Variants in SYT13 observed in about 807,000 individuals in gnomAD.
SYT13 encodes the protein synaptotagmin-13.
SYT13 carries 21 observed loss-of-function variants against 38.6 expected under a neutral mutation model. The ratio of observed to expected loss-of-function variants is 0.54; its 90% CI spans 0.39 to 0.78. SYT13 has a LOEUF of 0.78. Ranked by LOEUF, SYT13 falls within the 30% of genes least tolerant of loss-of-function variation. SYT13 has a pLI of 0.00. For synonymous variants in SYT13, 241 were observed against 237.6 expected (o/e 1.01, Z -0.13); for missense variants, 495 against 548.7 (o/e 0.90, Z 0.98).
rs1335786443 is a variant in SYT13, at chr11:45,243,513, G to C, written c.*539C>G. On this transcript the variant is annotated 3_prime_UTR_variant, in exon 6 of 6. Coordinates refer to ENST00000020926, the MANE Select transcript of SYT13 (RefSeq NM_020826.3). ...GGCTTCGACCAGGAATACCGACTAG[G>C]AATGTCTCCAGGCGAGCCCAGGAAT... 6.6e-6 allele frequency: 1 copy of C among 152,548 alleles called. No individual in the cohort carries two copies. Among genetic ancestry groups the C allele is most frequent in the African/African-American group, 2.4e-5 (1 of 41,430 alleles). The allele number at this position is 152,548 out of a possible 1,614,324, so 9.4% of individuals were successfully genotyped here.
rs1854568071 is a variant in SYT13 at position 45,242,823 on chromosome 11, A to C, written c.*1229T>G. 6.6e-6 allele frequency: 1 copy of C among 152,194 alleles called. No homozygotes were observed. The highest frequency in any genetic ancestry group is 1.5e-5 in the Non-Finnish European group (1 of 68,042). 9.4% of individuals were successfully genotyped at this position (152,194 alleles called of 1,614,324 possible). On this transcript the variant is annotated 3_prime_UTR_variant, in exon 6 of 6. Transcript: ENST00000020926. ...ACCGTATCCACTCAGCAAGGCTCAT[A>C]ATTTAGATTTAATTAACAATGTGGA...
chr11:45,274,930 C>T (rs898796033), intron 1 of SYT13, among the ~76,000 whole-genome samples: 5 of 152,114 alleles, frequency 3.3e-5, no homozygotes, highest in Admixed American at 6.5e-5. Flanking sequence ...CTCTCTCTAA[C>T]GTTAGCCAGA....
At chr11:45,276,177 C>T (rs1855007865) in intron 1 of SYT13, among the ~76,000 whole-genome samples, 1 of 152,144 alleles carries the variant, frequency 6.6e-6, no homozygotes, top group African/African-American at 2.4e-5. Context: ...AGACTTGGAA[C>T]CAACCCAATG....
chr11:45,262,819 G>A (rs1037005220), intron 1 of SYT13, among the ~76,000 whole-genome samples: 4 of 149,886 alleles, frequency 2.7e-5, no homozygotes, highest in African/African-American at 7.4e-5. Flanking sequence ...TTTATGTTAT[G>A]TTCTTTTACC....
At chr11:45,246,233 G>T in intron 5 of SYT13, 150 bp downstream of exon 5, 1 of 1,160,136 alleles carries the variant, frequency 8.6e-7, no homozygotes, top group Non-Finnish European at 1.2e-6. Flanking sequence ...TGAACTTAGG[G>T]TGAAGAACAC....
At chr11:45,272,280 A>T (rs1854958917) in intron 1 of SYT13, among the ~76,000 whole-genome samples, 1 of 152,200 alleles carries the variant, frequency 6.6e-6, no homozygotes, top group South Asian at 2.1e-4. Flanking sequence ...CCACTGTGGC[A>T]TGTGTATACC....
intron 3 of SYT13, among the ~76,000 whole-genome samples, chr11:45,253,407 A>G (rs931340108): frequency 1.3e-5 from 2 of 152,356 alleles, no homozygotes; most frequent in Middle Eastern, 3.4e-3. Context: ...ATGACTTGCC[A>G]GACCTCAGTT....
chr11:45,273,875 A>G (rs182621963), intron 1 of SYT13, among the ~76,000 whole-genome samples: 1 of 152,360 alleles, frequency 6.6e-6, no homozygotes, highest in African/African-American at 2.4e-5. Flanking sequence ...TTGGTAAAGG[A>G]TAAATAAGAA....
intron 1 of SYT13, among the ~76,000 whole-genome samples, chr11:45,260,399 C>T (rs1308766367): frequency 6.6e-6 from 1 of 152,182 alleles, no homozygotes; most frequent in African/African-American, 2.4e-5. Context: ...ATAGCTGAAA[C>T]TTCAGTGCCA....
rs926508391 is a variant in SYT13, at chr11:45,243,703, T to C, written c.*349A>G. The C allele has an allele frequency of 4.9e-6, 1 of 204,814 alleles. No individual in the cohort carries two copies. The highest frequency in any genetic ancestry group is 9.7e-6 in the Non-Finnish European group (1 of 103,270). The allele number at this position is 204,814 out of a possible 1,614,324, so 12.7% of individuals were successfully genotyped here. A position where few individuals can be genotyped will look rare whatever the true frequency, so the allele number is the denominator to read the frequency against. ...CTTCCTTCATCATTTTTGAAATGCT[T>C]GTTTTTCAAAAAGCCAAATTCTTCT... On this transcript the variant is annotated 3_prime_UTR_variant, in exon 6 of 6. Transcript: ENST00000020926.
rs1274060982 is a variant in SYT13 at position 45,242,681 on chromosome 11, A to T, written c.*1371T>A. On this transcript the variant is annotated 3_prime_UTR_variant, in exon 6 of 6. Coordinates refer to ENST00000020926, the MANE Select transcript of SYT13 (RefSeq NM_020826.3). Reference sequence around the variant, plus strand: ...GGTTTTGAACACTATTTCATCTAGTATATCATTCATTGGGGTAGGCTTCCT... The same window carrying T: ...GGTTTTGAACACTATTTCATCTAGTTTATCATTCATTGGGGTAGGCTTCCT... The T allele has an allele frequency of 6.6e-6, 1 of 152,116 alleles. No individual in the cohort carries two copies. The highest frequency in any genetic ancestry group is 6.6e-5 in the Admixed American group (1 of 15,260). The allele number at this position is 152,116 out of a possible 1,614,324, so 9.4% of individuals were successfully genotyped here.
chr11:45,266,068 G>A (rs1268439789), intron 1 of SYT13, among the ~76,000 whole-genome samples: 1 of 152,170 alleles, frequency 6.6e-6, no homozygotes, highest in Admixed American at 6.5e-5. Context: ...AAAATAGAGA[G>A]AGAGATAGAT....
intron 1 of SYT13, among the ~76,000 whole-genome samples, chr11:45,281,688 G>A (rs568176362): frequency 1.4e-5 from 2 of 146,406 alleles, no homozygotes; most frequent in Admixed American, 6.7e-5. Context: ...AAAAAAATTG[G>A]TGTGGGAACT....
rs1276892681 is a variant in SYT13 at position 45,243,311 on chromosome 11, G to A, written c.*741C>T. 6.6e-6 allele frequency: 1 copy of A among 152,212 alleles called. No individual in the cohort carries two copies. The highest frequency in any genetic ancestry group is 6.5e-5 in the Admixed American group (1 of 15,276). 9.4% of individuals were successfully genotyped at this position (152,212 alleles called of 1,614,324 possible). On this transcript the variant is annotated 3_prime_UTR_variant, in exon 6 of 6. Coordinates refer to ENST00000020926, the MANE Select transcript of SYT13 (RefSeq NM_020826.3). The stretch of plus-strand genomic sequence containing the variant: ...ATTAAAATAATTAAATTAAAAAGCT[G>A]AGGCCCCAGATTTCACCCTGATGGT...
chr11:45,251,680 G>A (rs993971969), intron 4 of SYT13, among the ~76,000 whole-genome samples: 92 of 152,208 alleles, frequency 6.0e-4, no homozygotes, highest in African/African-American at 2.2e-3. Flanking sequence ...TCCCCTTGCT[G>A]TCCTGGCGCA....
At position 45,244,348 on chromosome 11, in the gene SYT13, C is replaced by G. The variant is rs773614571; in HGVS notation, c.985G>C (p.Val329Leu). The change falls in exon 6 of 6, where the codon GTC becomes CTC. Residue 329 changes from valine to leucine, a missense_variant. Val to Leu is a conservative substitution (Grantham distance 32, BLOSUM62 1). Transcript: ENST00000020926. ...SKELLGKDVS[V>L]KVTLKHQARK... ...GCCTGGTGCTTCAAGGTCACCTTGACAGAGACATCTGGGGAGGGGCAGAGG... is the reference window on the plus strand; with the variant it reads ...GCCTGGTGCTTCAAGGTCACCTTGAGAGAGACATCTGGGGAGGGGCAGAGG... The G allele has an allele frequency of 6.2e-7, 1 of 1,612,680 alleles. No homozygotes were observed.
At chr11:45,284,276 C>G (rs567789744) in intron 1 of SYT13, among the ~76,000 whole-genome samples, 1 of 152,198 alleles carries the variant, frequency 6.6e-6, no homozygotes, top group Non-Finnish European at 1.5e-5. Context: ...ACAAGCTCAG[C>G]TAGAGTCTGG....
At chr11:45,254,446 G>A in intron 2 of SYT13, 42 bp from the exon 3 acceptor site, 1 of 1,595,518 alleles carries the variant, frequency 6.3e-7, no homozygotes. Flanking sequence ...CCACACTGGG[G>A]TTCTGCTTTC....
At chr11:45,275,196 A>G (rs1854996147) in intron 1 of SYT13, among the ~76,000 whole-genome samples, 1 of 152,026 alleles carries the variant, frequency 6.6e-6, no homozygotes, top group Non-Finnish European at 1.5e-5. Flanking sequence ...ATGTCTCCTC[A>G]CTTCTCTTTG....
Sources: allele counts gnomAD v4.1 joint callset (sites outside exome capture counted in the v4.1 genomes callset), GRCh38; gene constraint gnomAD v4.1.1; transcripts MANE v1.5; gene names NCBI Gene and HGNC (gene_info 2026-07-23, HGNC 2026-07-21).